Variants in DCTN4 observed in about 807,000 individuals in gnomAD.
DCTN4 encodes dynactin 4 (p62).
In DCTN4, 23 loss-of-function variants were observed where a neutral mutation model predicts 62.7. The observed-to-expected ratio is 0.37, with a 90% CI of 0.26 to 0.52. DCTN4 has a LOEUF of 0.52. Among genes scored for constraint, DCTN4 ranks in the 20% least tolerant of loss-of-function variants. DCTN4 has a pLI of 0.92. For missense variants in DCTN4, 514 were observed against 580.4 expected (o/e 0.89, Z 1.18); for synonymous variants, 199 against 202.1 (o/e 0.98, Z 0.13).
chr5:150,747,382 T>G (rs1324492855), intron 3 of DCTN4, among the ~76,000 whole-genome samples: 1 of 152,220 alleles, frequency 6.6e-6, no homozygotes, highest in Admixed American at 6.5e-5. Flanking sequence ...ATTGATAGAT[T>G]CAATGCCATC....
At chr5:150,733,007 G>T (rs1428993177) in intron 5 of DCTN4, among the ~76,000 whole-genome samples, 3 of 152,100 alleles carry the variant, frequency 2.0e-5, no homozygotes, top group Non-Finnish European at 4.4e-5. Flanking sequence ...GGGCTACAGG[G>T]GTAATATGAC....
chr5:150,754,008 G>A (rs1470377697), intron 2 of DCTN4, among the ~76,000 whole-genome samples: 1 of 152,182 alleles, frequency 6.6e-6, no homozygotes, highest in Non-Finnish European at 1.5e-5. Context: ...GACCAACTGT[G>A]CCATAGAAAA....
chr5:150,739,733 A>G (rs1016858223), intron 4 of DCTN4, among the ~76,000 whole-genome samples: 4 of 152,240 alleles, frequency 2.6e-5, no homozygotes, highest in Non-Finnish European at 5.9e-5. Context: ...AAATAGGCAC[A>G]CAGATCAATG....
At chr5:150,726,846 G>A (rs59643579) in intron 8 of DCTN4, among the ~76,000 whole-genome samples, 1,680 of 152,280 alleles carry the variant, frequency 0.011, 30 homozygotes, top group African/African-American at 0.036. Context: ...CAAATGCCAT[G>A]TGTCAAAATC....
intron 11 of DCTN4, 62 bp from the exon 12 acceptor site, chr5:150,715,724 T>A: frequency 7.5e-7 from 1 of 1,335,812 alleles, no homozygotes; most frequent in Non-Finnish European, 1.1e-6. Context: ...TATAGCAAAG[T>A]ACGACATTGA....
In DCTN4 at chr5:150,731,131, C is replaced by G. The variant is rs1760347178; in HGVS notation, c.637G>C (p.Glu213Gln). 6.2e-7 allele frequency: 1 copy of G among 1,611,332 alleles called. No individual in the cohort carries two copies. Among genetic ancestry groups the G allele is most frequent in the Admixed American group, 1.7e-5 (1 of 59,848 alleles). The change falls in exon 7 of 13, where the codon GAG (glutamate) becomes CAG (glutamine). Residue 213 changes from glutamate (E) to glutamine (Q), a missense_variant. By Grantham distance (29) the Glu-to-Gln change is conservative. Transcript: ENST00000447998. ...GCCTGAGCTGGCTCAATCTTTATCT[C>G]TTTCTGATCCTCTCCTTCTTTAAGG... ...LSLKEGEDQKEIKIEPAQAVD... is the reference protein window; with the variant it reads ...LSLKEGEDQKQIKIEPAQAVD...
intron 8 of DCTN4, among the ~76,000 whole-genome samples, chr5:150,728,125 A>G (rs1275694328): frequency 6.6e-6 from 1 of 152,196 alleles, no homozygotes; most frequent in Non-Finnish European, 1.5e-5. Flanking sequence ...ACAACAAGCA[A>G]ATGTATTTAA....
At chr5:150,716,207 A>T (rs181068878) in intron 11 of DCTN4, among the ~76,000 whole-genome samples, 67 of 152,230 alleles carry the variant, frequency 4.4e-4, no homozygotes, top group Admixed American at 9.2e-4. Context: ...CCTAGCCCTA[A>T]TGTTTAATTT....
chr5:150,709,433 G>A lies in DCTN4; in HGVS notation c.*1716C>T, dbSNP rs1018526506. 6 of 152,372 alleles carry A rather than the reference G, an allele frequency of 3.9e-5. No individual in the cohort carries two copies. Among genetic ancestry groups the A allele is most frequent in the Non-Finnish European group, 8.8e-5 (6 of 68,050 alleles). The allele number at this position is 152,372 out of a possible 1,614,324, so 9.4% of individuals were successfully genotyped here. A position where few individuals can be genotyped will look rare whatever the true frequency, so the allele number is the denominator to read the frequency against. On this transcript the variant is annotated 3_prime_UTR_variant, in exon 13 of 13. Coordinates refer to ENST00000447998, the MANE Select transcript of DCTN4 (RefSeq NM_016221.4). ...GCAAATATGGAGCAGTGATTTCACA[G>A]TAGGCTCTAGCAGGTAGTGAAATAA... is the stretch of plus-strand genomic sequence containing the variant.
At chr5:150,713,589 A>G (rs1759650624) in intron 12 of DCTN4, among the ~76,000 whole-genome samples, 1 of 151,530 alleles carries the variant, frequency 6.6e-6, no homozygotes, top group Non-Finnish European at 1.5e-5. Context: ...GATTACAGGC[A>G]CGTGCCACCA....
intron 2 of DCTN4, 93 bp downstream of exon 2, chr5:150,756,324 C>A (rs770373070): frequency 3.4e-5 from 29 of 845,662 alleles, no homozygotes; most frequent in Non-Finnish European, 5.1e-5. Context: ...CAGGCGTGAG[C>A]CACCATGCCT....
At chr5:150,734,201 A>T (rs1470065030) in intron 4 of DCTN4, 2 of 152,198 alleles carry the variant, frequency 1.3e-5, no homozygotes, top group African/African-American at 4.8e-5. Context: ...TTATTCCAAG[A>T]ACTACTGCAG....
chr5:150,756,469 G>A lies in DCTN4; in HGVS notation c.154C>T (p.Pro52Ser), dbSNP rs1311179419. ...VSHEVDSHYC[P>S]SCLENMPSAE... Reference sequence around the variant, plus strand: ...GATGGCATATTTTCTAAACAACTGGGACAATAATGGGAGTCCACCTAGGAG... The same window carrying A: ...GATGGCATATTTTCTAAACAACTGGAACAATAATGGGAGTCCACCTAGGAG... The change falls in exon 2 of 13, where the codon CCC becomes TCC. Residue 52 changes from proline to serine, a missense_variant. Pro to Ser is a moderately conservative substitution (Grantham distance 74, BLOSUM62 -1). Transcript: ENST00000447998. The A allele has an allele frequency of 6.3e-7, 1 of 1,599,898 alleles. No individual in the cohort carries two copies. The highest frequency in any genetic ancestry group is 8.5e-7 in the Non-Finnish European group (1 of 1,173,870).
intron 8 of DCTN4, among the ~76,000 whole-genome samples, chr5:150,727,293 G>T (rs1581575724): frequency 1.3e-5 from 2 of 152,250 alleles, no homozygotes; most frequent in East Asian, 3.9e-4. Flanking sequence ...TTGCTAAAAG[G>T]TGATTAGCTC....
intron 12 of DCTN4, among the ~76,000 whole-genome samples, chr5:150,713,462 G>GT (rs1759644811): frequency 1.5e-5 from 1 of 66,880 alleles, no homozygotes; most frequent in African/African-American, 5.3e-5. Context: ...TTTTTTTTTT[G>GT]AGACGGAGTC....
At chr5:150,716,565 T>G (rs1256100049) in intron 11 of DCTN4, among the ~76,000 whole-genome samples, 1 of 152,170 alleles carries the variant, frequency 6.6e-6, no homozygotes, top group Non-Finnish European at 1.5e-5. Flanking sequence ...AGATATGCTG[T>G]GCTTATGCAT....
At position 150,756,291 on chromosome 5, in the gene DCTN4, C is replaced by T. The variant is rs182182115; in HGVS notation, c.206+126G>A. ...CTCTTGACCTCGTGATCCCTGCCTC[C>T]GCCTCCCAAAGTGCTGGGATTACAG... On this transcript the variant is annotated intron_variant, in intron 2 of 12. Transcript: ENST00000447998. The T allele has an allele frequency of 5.5e-4, 300 of 545,202 alleles. 1 individual carries two copies. The East Asian group carries it at 9.1e-3, about 17-fold the overall frequency. The allele number at this position is 545,202 out of a possible 1,614,324, so 33.8% of individuals were successfully genotyped here.
intron 2 of DCTN4, among the ~76,000 whole-genome samples, chr5:150,756,152 C>G (rs1161343159): frequency 6.7e-6 from 1 of 149,978 alleles, no homozygotes; most frequent in African/African-American, 2.5e-5. Flanking sequence ...AGCAATTCAT[C>G]TGCCTCAGCC....
chr5:150,734,997 A>C (rs1043342446), intron 4 of DCTN4, among the ~76,000 whole-genome samples: 1 of 152,186 alleles, frequency 6.6e-6, no homozygotes, highest in African/African-American at 2.4e-5. Flanking sequence ...CTGCCCAAGG[A>C]GATTCTGAGC....
Sources: gnomAD v4.1 joint callset for allele counts (sites outside exome capture counted in the v4.1 genomes callset) on GRCh38, gnomAD v4.1.1 for gene constraint, MANE v1.5 for transcripts, NCBI Gene and HGNC (gene_info 2026-07-23, HGNC 2026-07-21) for gene names.